DMRT1: variants seen among roughly 807,000 people sequenced by gnomAD.
DMRT1 encodes doublesex and mab-3 related transcription factor 1, also known as doublesex- and mab-3-related transcription factor 1.
DMRT1 carries 7 observed loss-of-function variants against 32.3 expected under a neutral mutation model. The ratio of observed to expected loss-of-function variants is 0.22; its 90% confidence interval spans 0.12 to 0.41. The LOEUF is 0.41. DMRT1 is among the 10% of genes least tolerant of loss of function. The probability of loss-of-function intolerance (pLI) is 1.00; values close to 1 mark genes in which losing one functional copy is unlikely to be tolerated. For synonymous variants in DMRT1, 278 were observed against 206.1 expected, an observed-to-expected ratio of 1.35 and a Z score of -2.99; for missense variants, 625 against 500.5, an observed-to-expected ratio of 1.25 and a Z score of -2.37.
intron 4 of DMRT1, among the ~76,000 whole-genome samples, chr9:927,694 G>T (rs766178609): frequency 3.3e-5 from 5 of 152,156 alleles, no homozygotes; most frequent in Non-Finnish European, 7.4e-5. Context: ...TTCCAAATGC[G>T]CTTCCTGGTG....
chr9:878,522 T>G (rs1816603916), intron 2 of DMRT1, among the ~76,000 whole-genome samples: 1 of 151,912 alleles, frequency 6.6e-6, no homozygotes, highest in African/African-American at 2.4e-5. Context: ...CTTTAGGGAG[T>G]AATATCACAC....
intron 1 of DMRT1, among the ~76,000 whole-genome samples, chr9:846,134 C>G (rs2146531): frequency 0.42 from 63,891 of 150,586 alleles, 15,143 homozygotes; most frequent in Non-Finnish European, 0.54. Flanking sequence ...TGGGTTCAAG[C>G]AATTCCCCTG....
chr9:884,641 T>C (rs974403952), intron 2 of DMRT1, among the ~76,000 whole-genome samples: 2 of 152,174 alleles, frequency 1.3e-5, no homozygotes, highest in Non-Finnish European at 2.9e-5. Context: ...CTTTTGTTCT[T>C]ATTGCACAAA....
intron 4 of DMRT1, among the ~76,000 whole-genome samples, chr9:929,762 G>T (rs150275969): frequency 1.4e-4 from 22 of 152,230 alleles, no homozygotes; most frequent in African/African-American, 4.6e-4. Flanking sequence ...TGCAGGGTCA[G>T]TTCCTCAATA....
At chr9:902,558 G>T (rs529931587) in intron 3 of DMRT1, among the ~76,000 whole-genome samples, 2 of 150,342 alleles carry the variant, frequency 1.3e-5, no homozygotes, top group African/African-American at 2.5e-5. Context: ...GCAGTTTCTC[G>T]GCTCACTGCA....
chr9:874,324 C>G (rs1816402144), intron 2 of DMRT1, among the ~76,000 whole-genome samples: 2 of 152,116 alleles, frequency 1.3e-5, no homozygotes, highest in South Asian at 4.1e-4. Context: ...ATCATAGCGC[C>G]TTCATCTAAT....
intron 2 of DMRT1, among the ~76,000 whole-genome samples, chr9:847,872 C>T (rs537478144): frequency 2.6e-4 from 40 of 152,234 alleles, no homozygotes; most frequent in African/African-American, 7.9e-4. Context: ...TGAAAACATT[C>T]GGTTTCTTCA....
intron 1 of DMRT1, among the ~76,000 whole-genome samples, chr9:844,831 C>G (rs974551899): frequency 6.7e-6 from 1 of 149,154 alleles, no homozygotes. Context: ...AGCGATTCTT[C>G]TGCCTCGGCC....
Position 906,271 on chromosome 9 carries a change from C to T in DMRT1, c.823-10492C>T, listed in dbSNP as rs568427931. The stretch of plus-strand genomic sequence containing the variant: ...GTTTGGTAAAGGATGTGAGTGTGTG[C>T]GTGTGCTTAGTTAGAATGTGGCCCC... On this transcript the variant is annotated intron_variant, in intron 3 of 4. Coordinates refer to ENST00000382276, the MANE Select transcript of DMRT1 (RefSeq NM_021951.3). Among the ~76,000 whole-genome samples the T allele has an allele frequency of 2.2e-3, 338 of 152,194 alleles. 1 individual carries two copies. Among genetic ancestry groups the T allele is most frequent in the African/African-American group, 7.4e-3 (308 of 41,502 alleles).
intron 3 of DMRT1, among the ~76,000 whole-genome samples, chr9:897,067 T>C (rs73378422): frequency 0.041 from 6,116 of 149,614 alleles, 180 homozygotes; most frequent in African/African-American, 0.087. Context: ...CTTAAGTTCT[T>C]CATACGTTTT....
At chr9:900,685 A>C (rs1817539005) in intron 3 of DMRT1, among the ~76,000 whole-genome samples, 1 of 151,764 alleles carries the variant, frequency 6.6e-6, no homozygotes, top group African/African-American at 2.4e-5. Context: ...AAATCTACTT[A>C]ATTTTTTTTT....
chr9:865,880 A>T (rs546171360), intron 2 of DMRT1, among the ~76,000 whole-genome samples: 163 of 152,194 alleles, frequency 1.1e-3, no homozygotes, highest in African/African-American at 3.9e-3. Context: ...AAAGAGAGTG[A>T]GGGCAGCGCA....
At chr9:860,069 G>T (rs1358183512) in intron 2 of DMRT1, among the ~76,000 whole-genome samples, 1 of 152,290 alleles carries the variant, frequency 6.6e-6, no homozygotes, top group South Asian at 2.1e-4. Context: ...GGCCGAGGTG[G>T]GTGGATCACT....
intron 3 of DMRT1, among the ~76,000 whole-genome samples, chr9:911,102 T>G (rs941823748): frequency 6.6e-6 from 1 of 152,286 alleles, no homozygotes; most frequent in Non-Finnish European, 1.5e-5. Context: ...AGGGAGCTTC[T>G]CACCTTGGCG....
At chr9:934,851 A>T (rs1300312741) in intron 4 of DMRT1, among the ~76,000 whole-genome samples, 1 of 152,222 alleles carries the variant, frequency 6.6e-6, no homozygotes, top group East Asian at 1.9e-4. Context: ...AGCATCAGAG[A>T]ACACCAGACA....
intron 2 of DMRT1, among the ~76,000 whole-genome samples, chr9:879,114 T>G (rs1283292344): frequency 6.6e-6 from 1 of 152,160 alleles, no homozygotes; most frequent in Non-Finnish European, 1.5e-5. Flanking sequence ...CAGAATAAGA[T>G]GCCAGGCTCT....
intron 2 of DMRT1, among the ~76,000 whole-genome samples, chr9:872,476 G>C (rs1330221715): frequency 6.6e-6 from 1 of 152,116 alleles, no homozygotes; most frequent in African/African-American, 2.4e-5. Context: ...CCCATTACTG[G>C]TTACTGGGTT....
intron 2 of DMRT1, among the ~76,000 whole-genome samples, chr9:854,475 G>C (rs1311681176): frequency 6.6e-6 from 1 of 151,946 alleles, no homozygotes. Context: ...GTAGAGACAG[G>C]GTTTTGCCAC....
intron 2 of DMRT1, 61 bp from the exon 3 acceptor site, chr9:893,851 G>A (rs1040402898): frequency 6.5e-7 from 1 of 1,531,922 alleles, no homozygotes; most frequent in African/African-American, 1.4e-5. Context: ...AGGTTTAGAA[G>A]TAAAGTTTCG....
Sources: allele counts gnomAD v4.1 joint callset (sites outside exome capture counted in the v4.1 genomes callset), GRCh38; gene constraint gnomAD v4.1.1; transcripts MANE v1.5; gene names NCBI Gene and HGNC (gene_info 2026-07-23, HGNC 2026-07-21).